AHCTF1: variants seen among roughly 807,000 people sequenced by gnomAD.
AHCTF1 encodes AT-hook containing transcription factor 1, also known as protein ELYS.
In AHCTF1, 24 loss-of-function variants were observed where a neutral mutation model predicts 248.4. The observed-to-expected ratio is 0.10, with a 90% CI of 0.07 to 0.14. The LOEUF is 0.14. Among genes scored for constraint, AHCTF1 ranks in the 10% least tolerant of loss-of-function variants. The pLI is 1.00. For synonymous variants in AHCTF1, 786 were observed against 929.8 expected (o/e 0.85, Z 2.81); for missense variants, 2,206 against 2,636.2 (o/e 0.84, Z 3.57).
In AHCTF1 at chr1:246,850,023, T is replaced by C; in HGVS notation, c.5983A>G (p.Arg1995Gly). 1 of 1,613,828 alleles carries C rather than the reference T, an allele frequency of 6.2e-7. No individual in the cohort carries two copies. The highest frequency in any genetic ancestry group is 8.5e-7 in the Non-Finnish European group (1 of 1,179,838). ...DVGSKAVKEE[R>G]SPKKKEAPSI... ...GGAGCTTCTTTCTTCTTGGGGCTTCTCTCTTCCTTAACAGCCTTAGATCCT... is the reference window on the plus strand; with the variant it reads ...GGAGCTTCTTTCTTCTTGGGGCTTCCCTCTTCCTTAACAGCCTTAGATCCT... Residue 1995 changes from arginine to glycine, a missense_variant, in exon 33 of 36, where the codon AGA (arginine) becomes GGA (glycine). By Grantham distance (125) the Arg-to-Gly change is moderately radical. This residue lies in a region of AHCTF1 where 469 missense variants were observed against 470.0 expected (regional missense o/e 1.00). Transcript: ENST00000648844.
chr1:246,880,604 T>C (rs1663331185), intron 21 of AHCTF1, among the ~76,000 whole-genome samples: 1 of 150,786 alleles, frequency 6.6e-6, no homozygotes, highest in Non-Finnish European at 1.5e-5. Flanking sequence ...TTTAAACTGA[T>C]ACCTACACCC....
chr1:246,903,660 C>CCA (rs917858751), intron 7 of AHCTF1, among the ~76,000 whole-genome samples: 1 of 117,202 alleles, frequency 8.5e-6, no homozygotes, highest in African/African-American at 3.4e-5. Context: ...AGACCCCCCC[C>CCA]CCTCCGTCTC....
intron 35 of AHCTF1, 123 bp from the exon 36 acceptor site, chr1:246,841,121 A>G (rs1216908571): frequency 1.2e-6 from 1 of 809,172 alleles, no homozygotes; most frequent in Non-Finnish European, 1.9e-6. Flanking sequence ...TAAAAGATGT[A>G]ATGGTTTCAA....
chr1:246,903,805 T>C (rs1665184188), intron 7 of AHCTF1, 144 bp downstream of exon 7: 4 of 659,356 alleles, frequency 6.1e-6, no homozygotes, highest in African/African-American at 2.0e-5. Context: ...ACCACTGCAC[T>C]CCAGCCTGGG....
chr1:246,867,929 G>T, intron 24 of AHCTF1, 118 bp from the exon 25 acceptor site: 3 of 331,712 alleles, frequency 9.0e-6, no homozygotes, highest in Non-Finnish European at 1.4e-5. Context: ...ACATTACGTG[G>T]TAATACTAGC....
At chr1:246,898,484 T>A in intron 11 of AHCTF1, 148 bp from the exon 12 acceptor site, 1 of 902,936 alleles carries the variant, frequency 1.1e-6, no homozygotes, top group Non-Finnish European at 1.6e-6. Flanking sequence ...AGAAACAGAG[T>A]TTATAGGTTC....
At chr1:246,907,343 A>G (rs1194662266) in intron 5 of AHCTF1, among the ~76,000 whole-genome samples, 1 of 152,248 alleles carries the variant, frequency 6.6e-6, no homozygotes, top group Non-Finnish European at 1.5e-5. Context: ...CTGAAAAAAA[A>G]TAAAGCTAAA....
chr1:246,840,994 TGTTTCTG>T lies in AHCTF1; in HGVS notation c.6609-3_6612del. 1 of 1,594,918 alleles carries T rather than the reference TGTTTCTG, an allele frequency of 6.3e-7. No homozygotes were observed. Among genetic ancestry groups the T allele is most frequent in the Admixed American group, 1.9e-5 (1 of 53,910 alleles). On this transcript the variant is annotated splice_acceptor_variant and splice_polypyrimidine_tract_variant and coding_sequence_variant and intron_variant, in exon 36 of 36. Coordinates refer to ENST00000648844, the MANE Select transcript of AHCTF1 (RefSeq NM_001323342.2). LOFTEE classifies it high-confidence loss of function. Reference sequence around the variant, plus strand: ...GGTGACCAAGCACTTTCTTTTTCTGTGTTTCTGAAAAAAAAAGATATGATCAAGTAAG... The same window carrying T: ...GGTGACCAAGCACTTTCTTTTTCTGTAAAAAAAAAGATATGATCAAGTAAG...
chr1:246,865,053 G>A (rs922459958), intron 26 of AHCTF1, among the ~76,000 whole-genome samples: 7 of 152,292 alleles, frequency 4.6e-5, no homozygotes, highest in African/African-American at 1.7e-4. Context: ...TACTGAGCAT[G>A]TATAATCCAA....
At chr1:246,847,657 G>A (rs1283304335) in intron 33 of AHCTF1, among the ~76,000 whole-genome samples, 1 of 152,140 alleles carries the variant, frequency 6.6e-6, no homozygotes, top group Non-Finnish European at 1.5e-5. Flanking sequence ...ATGCCACCAG[G>A]TCTGGCTAAT....
At chr1:246,880,015 T>C (rs1166093060) in intron 21 of AHCTF1, among the ~76,000 whole-genome samples, 1 of 152,078 alleles carries the variant, frequency 6.6e-6, no homozygotes, top group Non-Finnish European at 1.5e-5. Context: ...GTATGCTGTT[T>C]TTATTTGTTA....
chr1:246,869,010 AAC>A (rs1572391913), intron 24 of AHCTF1, among the ~76,000 whole-genome samples: 1 of 151,166 alleles, frequency 6.6e-6, no homozygotes, highest in East Asian at 1.9e-4. Context: ...ATGCCTGGCT[AAC>A]TTTTTCTATT....
At chr1:246,886,231 T>C (rs1287989781) in intron 20 of AHCTF1, among the ~76,000 whole-genome samples, 1 of 152,070 alleles carries the variant, frequency 6.6e-6, no homozygotes, top group African/African-American at 2.4e-5. Flanking sequence ...CTTGGGAGGT[T>C]GAGGCAGGAG....
chr1:246,869,957 T>C (rs1662456527), intron 24 of AHCTF1, among the ~76,000 whole-genome samples: 1 of 152,216 alleles, frequency 6.6e-6, no homozygotes, highest in Non-Finnish European at 1.5e-5. Context: ...TTTGAAAACC[T>C]TCTGGAAAGG....
At chr1:246,906,296 G>A (rs1385621235) in intron 5 of AHCTF1, among the ~76,000 whole-genome samples, 4 of 151,998 alleles carry the variant, frequency 2.6e-5, no homozygotes, top group African/African-American at 9.7e-5. Flanking sequence ...TGACAAACTG[G>A]CAGCCGGGCG....
chr1:246,873,178 C>A (rs1198086164), intron 24 of AHCTF1, among the ~76,000 whole-genome samples: 1 of 152,144 alleles, frequency 6.6e-6, no homozygotes, highest in Non-Finnish European at 1.5e-5. Flanking sequence ...GTGCCCTTGC[C>A]ATACTCTTGA....
intron 12 of AHCTF1, 51 bp from the exon 13 acceptor site, chr1:246,895,976 G>C (rs755351100): frequency 1.4e-6 from 2 of 1,473,312 alleles, no homozygotes; most frequent in South Asian, 2.4e-5. Flanking sequence ...GAGGGTGTGA[G>C]ATCATAGGCA....
chr1:246,842,700 G>T lies in AHCTF1; in HGVS notation c.6602C>A (p.Ala2201Glu). 6.2e-7 allele frequency: 1 copy of T among 1,613,186 alleles called. No individual in the cohort carries two copies. ...ACAGAACAGAAAGTCATACTTGCTT[G>T]CTTGTTTTGTTTTTGACGTCCTGAT... ...KRIRTSKTKQ[A>E]SKNTEKESAW... Residue 2201 changes from alanine to glutamate, a missense_variant, in exon 35 of 36, where the codon GCA becomes GAA. Physicochemically the swap from Ala to Glu is moderately radical, Grantham distance 107. Coordinates refer to ENST00000648844, the MANE Select transcript of AHCTF1 (RefSeq NM_001323342.2).
chr1:246,888,617 A>C, intron 17 of AHCTF1, 100 bp from the exon 18 acceptor site: 6 of 1,389,792 alleles, frequency 4.3e-6, no homozygotes, highest in Non-Finnish European at 5.8e-6. Context: ...CAACTATCAA[A>C]GAGAGAAGAG....
Sources: gnomAD v4.1 joint callset for allele counts (sites outside exome capture counted in the v4.1 genomes callset) on GRCh38, gnomAD v4.1.1 for gene constraint, gnomAD v4.1.1 regional missense constraint, MANE v1.5 for transcripts, NCBI Gene and HGNC (gene_info 2026-07-23, HGNC 2026-07-21) for gene names.